The following ACACA variants were observed in gnomAD, a reference collection of about 807,000 sequenced individuals.
The protein encoded by ACACA is acetyl-CoA carboxylase 1.
ACACA carries 103 observed loss-of-function variants against 296.1 expected under a neutral mutation model. That is an observed-to-expected ratio of 0.35 (90% CI 0.30 to 0.41). ACACA has a LOEUF of 0.41. ACACA is among the 10% of genes least tolerant of loss of function. ACACA has a pLI of 1.00. For missense variants in ACACA, 1,554 were observed against 2,989.7 expected (o/e 0.52, Z 11.20); for synonymous variants, 953 against 1,038.6 (o/e 0.92, Z 1.58).
At chr17:37,184,906 T>C (rs2077467269) in intron 39 of ACACA, among the ~76,000 whole-genome samples, 1 of 147,830 alleles carries the variant, frequency 6.8e-6, no homozygotes, top group South Asian at 2.1e-4. Flanking sequence ...AAAAGGAACA[T>C]ACACATAATC....
chr17:37,404,635 C>T (rs1381379503), intron 1 of ACACA, among the ~76,000 whole-genome samples: 1 of 141,146 alleles, frequency 7.1e-6, no homozygotes, highest in African/African-American at 2.7e-5. Flanking sequence ...AGTGTAGTGG[C>T]ACAATCTTGG....
In ACACA at chr17:37,086,830, C is replaced by CG. The variant is rs1339224518; in HGVS notation, c.*485dup. 4.5e-6 allele frequency: 1 copy of CG among 220,614 alleles called. No homozygotes were observed. The highest frequency in any genetic ancestry group is 1.1e-4 in the East Asian group (1 of 9,392). 13.7% of individuals were successfully genotyped at this position (220,614 alleles called of 1,614,324 possible). ...GCCTACTGTGTGCTGGGCTAAGAGT[C>CG]GGGGTAATAAACAATGGACTTGAGG... On this transcript the variant is annotated 3_prime_UTR_variant, in exon 56 of 56. Transcript: ENST00000616317.
At chr17:37,393,985 C>T (rs917568555) in intron 1 of ACACA, among the ~76,000 whole-genome samples, 1 of 152,030 alleles carries the variant, frequency 6.6e-6, no homozygotes, top group Non-Finnish European at 1.5e-5. Context: ...ACTTCAAGTC[C>T]TATATTCCCT....
chr17:37,274,969 C>T (rs2082214992), intron 8 of ACACA, among the ~76,000 whole-genome samples: 1 of 141,864 alleles, frequency 7.0e-6, no homozygotes, highest in Non-Finnish European at 1.5e-5. Flanking sequence ...GTTCCCAGTG[C>T]TTGAGTACTT....
At position 37,184,298 on chromosome 17, in the gene ACACA, T is replaced by C. The variant is rs1269959667; in HGVS notation, c.4777-2942A>G. 3.3e-5 allele frequency among the ~76,000 whole-genome samples: 5 copies of C among 152,192 alleles called. No homozygotes were observed. In the East Asian group the frequency reaches 7.7e-4, roughly 23 times the overall value. On this transcript the variant is annotated intron_variant, in intron 39 of 55. Transcript: ENST00000616317. ...TAGAGACTTCTATTCTCATCATTCC[T>C]CCCATTAATTCATAAAGAACCATCT...
chr17:37,313,282 A>G (rs1229223882), intron 3 of ACACA, among the ~76,000 whole-genome samples: 1 of 152,036 alleles, frequency 6.6e-6, no homozygotes, highest in Non-Finnish European at 1.5e-5. Flanking sequence ...GGTGTACCCC[A>G]TAACTTAAAA....
intron 39 of ACACA, among the ~76,000 whole-genome samples, chr17:37,182,557 T>A (rs963273149): frequency 6.6e-6 from 1 of 152,204 alleles, no homozygotes; most frequent in African/African-American, 2.4e-5. Flanking sequence ...AAGGATGCCA[T>A]TATTTCAATT....
chr17:37,224,085 C>T (rs2079423570), intron 27 of ACACA, among the ~76,000 whole-genome samples: 1 of 152,148 alleles, frequency 6.6e-6, no homozygotes, highest in Admixed American at 6.5e-5. Context: ...GCCTGTAATC[C>T]CAGCTACTCT....
chr17:37,179,427 G>T, intron 40 of ACACA, 21 bp from the exon 41 acceptor site: 1 of 1,613,270 alleles, frequency 6.2e-7, no homozygotes, highest in South Asian at 1.1e-5. Flanking sequence ...AAAGAAGTTT[G>T]ACTAATCAGT....
intron 41 of ACACA, among the ~76,000 whole-genome samples, chr17:37,165,612 C>A (rs2076634877): frequency 6.6e-6 from 1 of 152,050 alleles, no homozygotes; most frequent in Admixed American, 6.6e-5. Flanking sequence ...CTCAGTAAAG[C>A]TTCTCCCAGC....
chr17:37,179,498 T>C (rs191995382), intron 40 of ACACA, 92 bp from the exon 41 acceptor site: 2 of 1,434,976 alleles, frequency 1.4e-6, no homozygotes, highest in Admixed American at 3.6e-5. Context: ...GGTTTTGCCT[T>C]CTTTTCCAAG....
chr17:37,097,165 T>C lies in ACACA; in HGVS notation c.6722A>G (p.Asp2241Gly). 1 of 1,613,128 alleles carries C rather than the reference T, an allele frequency of 6.2e-7. No homozygotes were observed. The highest frequency in any genetic ancestry group is 8.5e-7 in the Non-Finnish European group (1 of 1,180,018). ...GRMQEKGVIS[D>G]ILDWKTSRTF... ...ACGGGATGTTTTCCAATCCAGGATA[T>C]CCTACATGCAGAGAAGAATAAACTT... The change falls in exon 54 of 56, where the codon GAT becomes GGT. Residue 2241 changes from aspartate to glycine, a missense_variant and splice_region_variant. This residue lies in a region of ACACA where 553 missense variants were observed against 1,043.6 expected (regional missense o/e 0.53). Transcript: ENST00000616317. The surrounding 1 kb of genome is among the most constrained non-coding windows in gnomAD (Gnocchi z 4.8).
At chr17:37,289,006 T>C (rs947877574) in intron 3 of ACACA, among the ~76,000 whole-genome samples, 3 of 152,210 alleles carry the variant, frequency 2.0e-5, no homozygotes, top group African/African-American at 7.2e-5. Context: ...CTCCCGCCTG[T>C]AATCCCAGCA....
rs1395614935 is a variant in ACACA, at chr17:37,182,854, G to GCTAAGACA, written c.4777-1499_4777-1498insTGTCTTAG. ...CCTTAGCCCCTTAGCTCAGAGGAAT[G>GCTAAGACA]AATGTTCTGCTAATTTGTCAATCAG... On this transcript the variant is annotated intron_variant, in intron 39 of 55. Coordinates refer to ENST00000616317, the MANE Select transcript of ACACA (RefSeq NM_198834.3). Among the ~76,000 whole-genome samples the GCTAAGACA allele has an allele frequency of 6.6e-5, 10 of 152,332 alleles. No individual in the cohort carries two copies. The East Asian group carries it at 1.5e-3, about 23-fold the overall frequency.
intron 20 of ACACA, 27 bp downstream of exon 20, chr17:37,245,053 C>T (rs377316241): frequency 3.7e-6 from 6 of 1,614,104 alleles, no homozygotes; most frequent in Non-Finnish European, 5.1e-6. Flanking sequence ...TCTTAGAGAG[C>T]AATATTCGGA....
At chr17:37,193,922 A>G (rs2077873383) in intron 35 of ACACA, among the ~76,000 whole-genome samples, 1 of 152,198 alleles carries the variant, frequency 6.6e-6, no homozygotes, top group South Asian at 2.1e-4. Flanking sequence ...TAACATTTGA[A>G]GATGAAGAAA....
rs1341961784 is a variant in ACACA at position 37,274,290 on chromosome 17, A to G, written c.911T>C (p.Val304Ala). ...TGAAAAATCATTTTCCTGCCAGTCCACACGAAGACCTGCAACAGACAATAG... is the reference window on the plus strand; with the variant it reads ...TGAAAAATCATTTTCCTGCCAGTCCGCACGAAGACCTGCAACAGACAATAG... ...TLPWSGSGLR[V>A]DWQENDFSKR... The change falls in exon 9 of 56, where the codon GTG (valine) becomes GCG (alanine). Residue 304 changes from valine (V) to alanine (A), a missense_variant. Transcript: ENST00000616317. The G allele has an allele frequency of 6.2e-7, 1 of 1,613,996 alleles. No homozygotes were observed. Among genetic ancestry groups the G allele is most frequent in the Non-Finnish European group, 8.5e-7 (1 of 1,179,836 alleles).
intron 45 of ACACA, among the ~76,000 whole-genome samples, chr17:37,145,699 G>C (rs948961743): frequency 6.6e-6 from 1 of 152,092 alleles, no homozygotes; most frequent in African/African-American, 2.4e-5. Context: ...ATATAGCCCT[G>C]ATACCATTAG....
At chr17:37,194,434 T>G (rs2077897277) in intron 35 of ACACA, among the ~76,000 whole-genome samples, 1 of 152,170 alleles carries the variant, frequency 6.6e-6, no homozygotes, top group Non-Finnish European at 1.5e-5. Context: ...ACCCTCATCT[T>G]GCAGAAGCCT....
Sources: gnomAD v4.1 joint callset for allele counts (sites outside exome capture counted in the v4.1 genomes callset) on GRCh38, gnomAD v4.1.1 for gene constraint, gnomAD v4.1.1 regional missense constraint, Gnocchi (gnomAD v3.1) non-coding constraint, MANE v1.5 for transcripts, NCBI Gene and HGNC (gene_info 2026-07-23, HGNC 2026-07-21) for gene names.